B3GALT1: variants seen among roughly 807,000 people sequenced by gnomAD.
The protein encoded by B3GALT1 is UDP-Gal:betaGlcNAc beta 1,3-galactosyltransferase, polypeptide 1.
In B3GALT1, 10 loss-of-function variants were observed where a neutral mutation model predicts 23.2. The ratio of observed to expected loss-of-function variants is 0.43; its 90% CI spans 0.27 to 0.73. The LOEUF (loss-of-function observed/expected upper bound fraction) is 0.73, where lower values mean the gene tolerates loss of function less well. Among genes scored for constraint, B3GALT1 ranks in the 30% least tolerant of loss-of-function variants. The pLI is 0.21. For missense variants in B3GALT1, 299 were observed against 405.4 expected (o/e 0.74, Z 2.25); for synonymous variants, 156 against 141.5 (o/e 1.10, Z -0.73).
At chr2:167,466,214 A>T (rs1699342164) in intron 1 of B3GALT1, among the ~76,000 whole-genome samples, 1 of 152,214 alleles carries the variant, frequency 6.6e-6, no homozygotes, top group Non-Finnish European at 1.5e-5. Flanking sequence ...TCCTGAAAAG[A>T]CATAAGATGC....
At chr2:167,358,713 T>C (rs1697455692) in intron 1 of B3GALT1, among the ~76,000 whole-genome samples, 1 of 152,168 alleles carries the variant, frequency 6.6e-6, no homozygotes, top group African/African-American at 2.4e-5. Flanking sequence ...TACAATGTAA[T>C]GTGATAGGAT....
At chr2:167,553,004 A>G (rs150425730) in intron 2 of B3GALT1, among the ~76,000 whole-genome samples, 2 of 152,272 alleles carry the variant, frequency 1.3e-5, no homozygotes, top group African/African-American at 4.8e-5. Flanking sequence ...GTTGGTACAC[A>G]TCTTCGGGGG....
chr2:167,443,091 A>C (rs1331489336), intron 1 of B3GALT1, among the ~76,000 whole-genome samples: 1 of 151,966 alleles, frequency 6.6e-6, no homozygotes, highest in East Asian at 1.9e-4. Context: ...CTTTCTACAT[A>C]TGGCTAGCCA....
intron 1 of B3GALT1, among the ~76,000 whole-genome samples, chr2:167,348,009 T>C (rs559078906): frequency 6.6e-6 from 1 of 152,296 alleles, no homozygotes; most frequent in African/African-American, 2.4e-5. Flanking sequence ...GTCCAAAACT[T>C]ATTTACTGTG....
Position 167,863,990 on chromosome 2 carries a change from A to ATGTGTGTGTGTGTGTG in B3GALT1, c.-229-4799_-229-4784dup, listed in dbSNP as rs34276280. Among the ~76,000 whole-genome samples the ATGTGTGTGTGTGTGTG allele has an allele frequency of 7.5e-4, 108 of 143,722 alleles. 1 individual carries two copies. The highest frequency in any genetic ancestry group is 2.7e-3 in the African/African-American group (104 of 38,832). 94.3% of individuals were successfully genotyped at this position (143,722 alleles called of 152,430 possible). On this transcript the variant is annotated intron_variant, in intron 4 of 4. Transcript: ENST00000392690. ...TGATTCTGTGTGCATGCATGTATGT[A>ATGTGTGTGTGTGTGTG]TGTGTGTGTGTGTGTGTGTGTGTGT...
chr2:167,557,771 G>A (rs958622071), intron 2 of B3GALT1, among the ~76,000 whole-genome samples: 5 of 152,158 alleles, frequency 3.3e-5, no homozygotes, highest in Non-Finnish European at 5.9e-5. Context: ...TCTGTTCCAC[G>A]TAAACAGACA....
Position 167,774,485 on chromosome 2 carries a change from G to GTTTT in B3GALT1, c.-351-44179_-351-44176dup, listed in dbSNP as rs767692581. 4.7e-3 allele frequency among the ~76,000 whole-genome samples: 498 copies of GTTTT among 104,982 alleles called. 36 individuals are homozygous for GTTTT. The highest frequency in any genetic ancestry group is 0.019 in the Middle Eastern group (3 of 158). 68.9% of individuals were successfully genotyped at this position (104,982 alleles called of 152,430 possible). On this transcript the variant is annotated intron_variant, in intron 3 of 4. Coordinates refer to ENST00000392690, the MANE Select transcript of B3GALT1 (RefSeq NM_020981.4). Reference sequence around the variant, plus strand: ...CTGTGTTTATTGGTTTTTTTTTTTTGTTTTTTTTTTTGTTTTTTTTTTTTT... The same window carrying GTTTT: ...CTGTGTTTATTGGTTTTTTTTTTTTGTTTTTTTTTTTTTTTGTTTTTTTTTTTTT...
intron 2 of B3GALT1, among the ~76,000 whole-genome samples, chr2:167,589,570 G>A (rs796120823): frequency 2.6e-5 from 4 of 152,122 alleles, no homozygotes; most frequent in African/African-American, 9.6e-5. Context: ...TCTACACTTT[G>A]CCCACAAATT....
chr2:167,526,206 T>G (rs778610280), intron 2 of B3GALT1, among the ~76,000 whole-genome samples: 1 of 151,226 alleles, frequency 6.6e-6, no homozygotes, highest in African/African-American at 2.4e-5. Flanking sequence ...CACACACACA[T>G]ATATGTATAA....
chr2:167,446,340 T>C (rs1272232617), intron 1 of B3GALT1, among the ~76,000 whole-genome samples: 1 of 152,186 alleles, frequency 6.6e-6, no homozygotes, highest in East Asian at 1.9e-4. Flanking sequence ...CAATTATGTG[T>C]CTTGGAGTTG....
At chr2:167,688,315 A>G (rs1686650203) in intron 3 of B3GALT1, among the ~76,000 whole-genome samples, 1 of 152,196 alleles carries the variant, frequency 6.6e-6, no homozygotes, top group Non-Finnish European at 1.5e-5. Context: ...ACTAAAACAG[A>G]TCTGGCATAA....
intron 2 of B3GALT1, among the ~76,000 whole-genome samples, chr2:167,570,425 T>C (rs997312767): frequency 1.3e-5 from 2 of 151,924 alleles, no homozygotes; most frequent in Non-Finnish European, 2.9e-5. Context: ...GGTCATCAAA[T>C]TTGTGAGCGT....
intron 1 of B3GALT1, among the ~76,000 whole-genome samples, chr2:167,331,418 C>T (rs753943420): frequency 2.0e-5 from 3 of 152,038 alleles, no homozygotes; most frequent in Non-Finnish European, 4.4e-5. Context: ...ATGGCATGAG[C>T]AGTAGTGGTA....
chr2:167,808,957 A>G (rs935311252), intron 3 of B3GALT1, among the ~76,000 whole-genome samples: 2 of 152,136 alleles, frequency 1.3e-5, no homozygotes, highest in African/African-American at 4.8e-5. Context: ...ACATAGTCCC[A>G]TATTTCTTGG....
intron 2 of B3GALT1, among the ~76,000 whole-genome samples, chr2:167,538,205 G>A (rs1218137322): frequency 6.6e-6 from 1 of 152,008 alleles, no homozygotes; most frequent in Non-Finnish European, 1.5e-5. Flanking sequence ...TATTAACTTA[G>A]ATCTACTAAG....
At chr2:167,866,961 T>G (rs189833243) in intron 4 of B3GALT1, among the ~76,000 whole-genome samples, 1 of 151,968 alleles carries the variant, frequency 6.6e-6, no homozygotes, top group Non-Finnish European at 1.5e-5. Context: ...GAGTCTCACT[T>G]TGTCGCCCAG....
chr2:167,682,993 T>G lies in B3GALT1; in HGVS notation c.-352+36027T>G, dbSNP rs149584957. ...GTTCAGCTTTGGCTCTGATTAATAT[T>G]TATTTCTGGTTACCCTTAGAGGAGG... On this transcript the variant is annotated intron_variant, in intron 3 of 4. Transcript: ENST00000392690. Among the ~76,000 whole-genome samples the G allele has an allele frequency of 1.1e-3, 173 of 152,330 alleles. 2 individuals are homozygous for G. The highest frequency in any genetic ancestry group is 3.7e-3 in the African/African-American group (153 of 41,592).
At chr2:167,714,901 T>C (rs1687119493) in intron 3 of B3GALT1, 1 of 1,611,194 alleles carries the variant, frequency 6.2e-7, no homozygotes, top group South Asian at 1.1e-5. Flanking sequence ...TTTCTTGATA[T>C]AGTTCAGTCA....
chr2:167,450,668 G>A (rs1269196777), intron 1 of B3GALT1, among the ~76,000 whole-genome samples: 3 of 152,148 alleles, frequency 2.0e-5, no homozygotes, highest in Non-Finnish European at 4.4e-5. Flanking sequence ...ATGAGAATGT[G>A]CCTAGGCAAT....
Sources: allele counts gnomAD v4.1 joint callset (sites outside exome capture counted in the v4.1 genomes callset), GRCh38; gene constraint gnomAD v4.1.1; transcripts MANE v1.5; gene names NCBI Gene and HGNC (gene_info 2026-07-23, HGNC 2026-07-21).